The following BDKRB2 variants were observed in gnomAD, a reference collection of about 807,000 sequenced individuals.
BDKRB2 encodes bradykinin receptor B2.
Under a neutral mutation model 4.0 loss-of-function variants are expected in BDKRB2, and 6 were observed. The observed-to-expected ratio is 1.49, with a 90% CI of 0.81 to 2.93. The LOEUF is 2.93. Ranked by LOEUF, BDKRB2 falls within the 30% of genes most tolerant of loss-of-function variation. The pLI is 0.00. For missense variants in BDKRB2, 478 were observed against 520.1 expected, an observed-to-expected ratio of 0.92 and a Z score of 0.79; for synonymous variants, 225 against 215.3, an observed-to-expected ratio of 1.05 and a Z score of -0.40.
At chr14:96,236,449 C>A (rs565029596) in intron 1 of BDKRB2, among the ~76,000 whole-genome samples, 11 of 152,310 alleles carry the variant, frequency 7.2e-5, no homozygotes, top group African/African-American at 2.6e-4. Context: ...TCTGCCTTTG[C>A]AGGAGATGGA....
intron 2 of BDKRB2, chr14:96,238,796 C>A (rs1885181201): frequency 2.0e-6 from 2 of 985,980 alleles, no homozygotes; most frequent in Non-Finnish European, 2.4e-6. Context: ...AGCCCCCTCT[C>A]CAAGTCTGTG....
At chr14:96,227,492 C>G (rs574117550) in intron 1 of BDKRB2, among the ~76,000 whole-genome samples, 1 of 152,292 alleles carries the variant, frequency 6.6e-6, no homozygotes, top group East Asian at 1.9e-4. Context: ...CATCTCCAGG[C>G]ACTTGACCCA....
At chr14:96,207,230 C>T (rs1890207280) in intron 1 of BDKRB2, among the ~76,000 whole-genome samples, 1 of 152,174 alleles carries the variant, frequency 6.6e-6, no homozygotes, top group Non-Finnish European at 1.5e-5. Flanking sequence ...CCTAGCCCAA[C>T]ATGGATGGAT....
chr14:96,229,740 G>T (rs987290805), intron 1 of BDKRB2, among the ~76,000 whole-genome samples: 11 of 152,248 alleles, frequency 7.2e-5, no homozygotes, highest in Non-Finnish European at 1.0e-4. Flanking sequence ...CCCAGCAAAG[G>T]CTCCTAGGGC....
At chr14:96,240,042 A>C (rs1885230546) in intron 2 of BDKRB2, 1 of 1,019,596 alleles carries the variant, frequency 9.8e-7, no homozygotes. Context: ...CTCCCTTGGG[A>C]GGGCCCCGGT....
At chr14:96,215,721 A>G (rs576921955) in intron 1 of BDKRB2, among the ~76,000 whole-genome samples, 2 of 152,332 alleles carry the variant, frequency 1.3e-5, no homozygotes, top group South Asian at 2.1e-4. Flanking sequence ...AGAAACAGGA[A>G]GAAAAGGCAG....
In BDKRB2 at chr14:96,239,282, A is replaced by T. The variant is rs377253703; in HGVS notation, c.75-1121A>T. 1.7e-4 allele frequency: 168 copies of T among 974,944 alleles called. No homozygotes were observed. In the South Asian group the frequency reaches 6.8e-3, roughly 40 times the overall value. 60.4% of individuals were successfully genotyped at this position (974,944 alleles called of 1,614,324 possible). A position where few individuals can be genotyped will look rare whatever the true frequency, so the allele number is the denominator to read the frequency against. On this transcript the variant is annotated intron_variant, in intron 2 of 2. Transcript: ENST00000554311. ...ATGTTGCAACAGCCATGAAAAAAGA[A>T]ATGCAAAGCGATTCAGGATGAGAGC... is the stretch of plus-strand genomic sequence containing the variant.
At chr14:96,237,781 A>T in intron 2 of BDKRB2, 1 of 1,289,788 alleles carries the variant, frequency 7.8e-7, no homozygotes, top group Non-Finnish European at 1.0e-6. Context: ...CTGGACCTAT[A>T]GTTTCCAATT....
intron 2 of BDKRB2, chr14:96,239,320 C>A: frequency 1.0e-6 from 1 of 979,968 alleles, no homozygotes; most frequent in Non-Finnish European, 1.2e-6. Context: ...TACCCTACTC[C>A]AAAGAAGGCA....
At chr14:96,210,243 C>T (rs1437967911) in intron 1 of BDKRB2, among the ~76,000 whole-genome samples, 1 of 152,200 alleles carries the variant, frequency 6.6e-6, no homozygotes, top group Admixed American at 6.5e-5. Flanking sequence ...AATAGTTATC[C>T]ATTTAGACAC....
chr14:96,231,946 G>A (rs1361410346), intron 1 of BDKRB2, among the ~76,000 whole-genome samples: 1 of 152,176 alleles, frequency 6.6e-6, no homozygotes, highest in Non-Finnish European at 1.5e-5. Flanking sequence ...ATGGAGCCCA[G>A]CTGTCTCAAG....
Position 96,241,134 on chromosome 14 carries a change from C to G in BDKRB2, c.806C>G (p.Thr269Arg). 6.2e-7 allele frequency: 1 copy of G among 1,612,710 alleles called. No homozygotes were observed. The highest frequency in any genetic ancestry group is 8.5e-7 in the Non-Finnish European group (1 of 1,179,608). The change falls in exon 3 of 3, where the codon ACG (threonine) becomes AGG (arginine). Residue 269 changes from threonine to arginine, a missense_variant. Physicochemically the swap from Thr to Arg is moderately conservative, Grantham distance 71. Transcript: ENST00000554311. ...FKEIQTERRA[T>R]VLVLVVLLLF... ...GAGATCCAGACAGAGAGGAGGGCCA[C>G]GGTGCTAGTCCTGGTTGTGCTGCTG...
chr14:96,215,471 C>CAAAA (rs11385842), intron 1 of BDKRB2, among the ~76,000 whole-genome samples: 3 of 148,516 alleles, frequency 2.0e-5, no homozygotes, highest in Admixed American at 6.7e-5. Flanking sequence ...AAATGCCAAA[C>CAAAA]AAAAAAAAAA....
In BDKRB2 at chr14:96,242,759, T is replaced by C. The variant is rs1242478454; in HGVS notation, c.*1255T>C. The C allele has an allele frequency of 1.3e-5, 2 of 152,342 alleles. No individual in the cohort carries two copies. Among genetic ancestry groups the C allele is most frequent in the African/African-American group, 4.8e-5 (2 of 41,442 alleles). The allele number at this position is 152,342 out of a possible 1,614,324, so 9.4% of individuals were successfully genotyped here. On this transcript the variant is annotated 3_prime_UTR_variant, in exon 3 of 3. Coordinates refer to ENST00000554311, the MANE Select transcript of BDKRB2 (RefSeq NM_001379692.1). ...GCTGAGACCCCCCACCACCAGCCGG[T>C]ACCTGGGAAGGGGGAGAGTGCAGGC... is the stretch of plus-strand genomic sequence containing the variant.
At chr14:96,218,351 T>G (rs139561342) in intron 1 of BDKRB2, among the ~76,000 whole-genome samples, 1 of 152,174 alleles carries the variant, frequency 6.6e-6, no homozygotes, top group Non-Finnish European at 1.5e-5. Flanking sequence ...GCTTTTGCAC[T>G]TGAGACCCCT....
intron 2 of BDKRB2, chr14:96,239,652 T>TATCACAACCCTGAGA: frequency 1.0e-6 from 1 of 954,550 alleles, no homozygotes; most frequent in Non-Finnish European, 1.2e-6. Context: ...CTCTGATCCC[T>TATCACAACCCTGAGA]ATCACAACCC....
intron 2 of BDKRB2, chr14:96,238,089 C>T: frequency 9.4e-7 from 1 of 1,059,818 alleles, no homozygotes; most frequent in African/African-American, 1.7e-5. Flanking sequence ...TTTCATGGGT[C>T]AAGAATTCAG....
chr14:96,225,928 T>C (rs1890685086), intron 1 of BDKRB2, among the ~76,000 whole-genome samples: 2 of 152,080 alleles, frequency 1.3e-5, no homozygotes, highest in African/African-American at 4.8e-5. Context: ...TAGCAGGGCC[T>C]GTGCCATCCC....
At chr14:96,214,158 C>T (rs1890364694) in intron 1 of BDKRB2, among the ~76,000 whole-genome samples, 1 of 152,210 alleles carries the variant, frequency 6.6e-6, no homozygotes, top group Admixed American at 6.5e-5. Flanking sequence ...ACTCCCTGCC[C>T]TCCAGTCCCC....
Sources: allele counts gnomAD v4.1 joint callset (sites outside exome capture counted in the v4.1 genomes callset), GRCh38; gene constraint gnomAD v4.1.1; transcripts MANE v1.5; gene names NCBI Gene and HGNC (gene_info 2026-07-23, HGNC 2026-07-21).